FBXO15: variants seen among roughly 807,000 people sequenced by gnomAD.
The protein encoded by FBXO15 is F-box protein 15.
A neutral mutation model predicts 49.5 loss-of-function variants in FBXO15; 30 were observed. That is an observed-to-expected ratio of 0.61 (90% CI 0.45 to 0.82). FBXO15 has a LOEUF of 0.82. Among genes scored for constraint, FBXO15 ranks in the 40% least tolerant of loss-of-function variants. The pLI is 0.00. For synonymous variants in FBXO15, 250 were observed against 232.7 expected, an observed-to-expected ratio of 1.07 and a Z score of -0.68; for missense variants, 591 against 631.5, an observed-to-expected ratio of 0.94 and a Z score of 0.69.
At chr18:74,099,812 G>C (rs546391980) in intron 8 of FBXO15, 7 of 152,222 alleles carry the variant, frequency 4.6e-5, no homozygotes, top group African/African-American at 1.7e-4. Context: ...AGTTTAAAAA[G>C]ACAAAGGGGG....
intron 8 of FBXO15, among the ~76,000 whole-genome samples, chr18:74,114,913 A>C (rs1254972994): frequency 1.3e-5 from 2 of 152,210 alleles, no homozygotes; most frequent in African/African-American, 4.8e-5. Context: ...AAATAAACCC[A>C]TAAGGAAAAA....
At chr18:74,083,512 C>T (rs893555523) in intron 8 of FBXO15, among the ~76,000 whole-genome samples, 4 of 152,346 alleles carry the variant, frequency 2.6e-5, no homozygotes, top group East Asian at 1.9e-4. Flanking sequence ...AGGCAGCCGA[C>T]GGCGCCTACA....
At chr18:74,106,925 T>C (rs1346281155) in intron 8 of FBXO15, among the ~76,000 whole-genome samples, 11 of 152,228 alleles carry the variant, frequency 7.2e-5, no homozygotes, top group Middle Eastern at 3.4e-3. Context: ...AACTATTTAG[T>C]GGCATTTGAA....
intron 6 of FBXO15, 78 bp downstream of exon 6, chr18:74,125,897 G>T: frequency 1.3e-6 from 2 of 1,543,190 alleles, no homozygotes; most frequent in East Asian, 2.3e-5. Flanking sequence ...TTTTACATTT[G>T]AAGTCATACA....
At chr18:74,130,741 T>C (rs1403099604) in intron 3 of FBXO15, 83 bp from the exon 4 acceptor site, 1 of 1,406,646 alleles carries the variant, frequency 7.1e-7, no homozygotes, top group Non-Finnish European at 9.6e-7. Context: ...AGATGCATAT[T>C]TTCAAATAAT....
chr18:74,123,248 T>C, intron 8 of FBXO15, 120 bp downstream of exon 8: 1 of 1,075,172 alleles, frequency 9.3e-7, no homozygotes, highest in East Asian at 2.4e-5. Flanking sequence ...TCTGGGAGGA[T>C]ACTGGTGCCA....
chr18:74,130,276 A>C, intron 4 of FBXO15, 140 bp downstream of exon 4: 2 of 1,212,364 alleles, frequency 1.6e-6, no homozygotes, highest in Non-Finnish European at 2.3e-6. Context: ...GCGGAATAGG[A>C]AAATGATACA....
At chr18:74,134,455 G>A (rs1978590594) in intron 3 of FBXO15, among the ~76,000 whole-genome samples, 1 of 141,480 alleles carries the variant, frequency 7.1e-6, no homozygotes, top group Admixed American at 7.6e-5. Flanking sequence ...TGCAAGCTCC[G>A]CCTCCCAGGT....
intron 8 of FBXO15, among the ~76,000 whole-genome samples, chr18:74,083,707 A>T (rs1912603237): frequency 6.6e-6 from 1 of 152,186 alleles, no homozygotes; most frequent in Admixed American, 6.5e-5. Context: ...AACAATTATA[A>T]CACTGTGGTG....
At chr18:74,120,317 C>A (rs892850462) in intron 8 of FBXO15, among the ~76,000 whole-genome samples, 2 of 152,152 alleles carry the variant, frequency 1.3e-5, no homozygotes, top group African/African-American at 4.8e-5. Flanking sequence ...CTCTCTCAAC[C>A]GGTATTACCT....
At chr18:74,125,061 G>A (rs1484023039) in intron 6 of FBXO15, among the ~76,000 whole-genome samples, 4 of 152,126 alleles carry the variant, frequency 2.6e-5, no homozygotes, top group South Asian at 2.1e-4. Context: ...CAGAAAATGC[G>A]ACTATTTGGG....
intron 6 of FBXO15, among the ~76,000 whole-genome samples, chr18:74,125,008 A>G (rs192323579): frequency 2.5e-3 from 377 of 152,298 alleles, no homozygotes; most frequent in Middle Eastern, 6.8e-3. Context: ...CGTGGTGGGA[A>G]TGATTAGATT....
At position 74,147,778 on chromosome 18, in the gene FBXO15, G is replaced by A. The variant is rs1979551233; in HGVS notation, c.8C>T (p.Thr3Ile). 1 of 1,534,278 alleles carries A rather than the reference G, an allele frequency of 6.5e-7. No individual in the cohort carries two copies. The highest frequency in any genetic ancestry group is 1.4e-5 in the African/African-American group (1 of 71,794). Residue 3 changes from threonine to isoleucine, a missense_variant, in exon 1 of 10, where the codon ACT becomes ATT. By Grantham distance (89) the Thr-to-Ile change is moderately conservative. Transcript: ENST00000419743. MA[T>I]GRGRILQQHW... ...CTGCTGCAAGATCCGACCGCGTCCAGTCGCCATAGAGACAAGGAGTTCACC... is the reference window on the plus strand; with the variant it reads ...CTGCTGCAAGATCCGACCGCGTCCAATCGCCATAGAGACAAGGAGTTCACC...
rs561424830 is a variant in FBXO15, at chr18:74,074,053, G to A, written c.1264-323C>T. On this transcript the variant is annotated intron_variant, in intron 9 of 9. Coordinates refer to ENST00000419743, the MANE Select transcript of FBXO15 (RefSeq NM_001142958.2). The surrounding 1 kb of genome is among the most constrained non-coding windows in gnomAD (Gnocchi z 4.7). ...GTTAAAGTACAGTGGCTACAGATGT[G>A]ACACAAATCACACCAACAACCAGTC... is the stretch of plus-strand genomic sequence containing the variant. Among the ~76,000 whole-genome samples the A allele has an allele frequency of 6.6e-6, 1 of 152,256 alleles. No individual in the cohort carries two copies. Among genetic ancestry groups the A allele is most frequent in the East Asian group, 1.9e-4 (1 of 5,170 alleles).
rs1979044849 is a variant in FBXO15, at chr18:74,141,084, G to A, written c.117-772C>T. Among the ~76,000 whole-genome samples the A allele has an allele frequency of 2.6e-5, 4 of 152,302 alleles. No individual in the cohort carries two copies. In the South Asian group the frequency reaches 8.3e-4, roughly 32 times the overall value. ...GCCATCTTTTTATTTTAGTGGTACAGAAAACAGTAGTGCATCTTAGAATGA... is the reference window on the plus strand; with the variant it reads ...GCCATCTTTTTATTTTAGTGGTACAAAAAACAGTAGTGCATCTTAGAATGA... On this transcript the variant is annotated intron_variant, in intron 1 of 9. Transcript: ENST00000419743.
chr18:74,105,132 G>A (rs183127951), intron 8 of FBXO15, among the ~76,000 whole-genome samples: 207 of 152,266 alleles, frequency 1.4e-3, no homozygotes, highest in African/African-American at 4.8e-3. Context: ...TGAAGACAGA[G>A]AGTAGACTAG....
intron 8 of FBXO15, among the ~76,000 whole-genome samples, chr18:74,120,704 C>T (rs573209488): frequency 4.4e-4 from 67 of 152,214 alleles, no homozygotes; most frequent in African/African-American, 1.6e-3. Flanking sequence ...CACCAAATGT[C>T]TCAATATGAT....
rs745868593 is a variant in FBXO15, at chr18:74,130,813, T to A, written c.333-155A>T. On this transcript the variant is annotated intron_variant, in intron 3 of 9. Coordinates refer to ENST00000419743, the MANE Select transcript of FBXO15 (RefSeq NM_001142958.2). ...TTGAACGTTCATCTGTTAAAGTGAA[T>A]TGCAGTTTGAGATTTAGTGTTTTAA... 1.1e-5 allele frequency: 9 copies of A among 803,270 alleles called. No individual in the cohort carries two copies. In the East Asian group the frequency reaches 2.3e-4, roughly 21 times the overall value. The allele number at this position is 803,270 out of a possible 1,614,324, so 49.8% of individuals were successfully genotyped here. A position where few individuals can be genotyped will look rare whatever the true frequency, so the allele number is the denominator to read the frequency against.
At chr18:74,119,608 AC>A (rs1250341321) in intron 8 of FBXO15, among the ~76,000 whole-genome samples, 2 of 151,950 alleles carry the variant, frequency 1.3e-5, no homozygotes, top group African/African-American at 4.8e-5. Flanking sequence ...GAGAGACATG[AC>A]CCCCAGGACC....
Sources: allele counts gnomAD v4.1 joint callset (sites outside exome capture counted in the v4.1 genomes callset), GRCh38; gene constraint gnomAD v4.1.1; non-coding constraint Gnocchi (gnomAD v3.1); transcripts MANE v1.5; gene names NCBI Gene and HGNC (gene_info 2026-07-23, HGNC 2026-07-21).